INTS15: variants seen among roughly 807,000 people sequenced by gnomAD.
INTS15 encodes the protein uncharacterized protein C7orf26.
the INTS15 span, among the ~76,000 whole-genome samples, chr7:6,601,712 A>G: frequency 6.7e-6 from 1 of 150,282 alleles, no homozygotes; most frequent in Non-Finnish European, 1.5e-5. Context: ...TCTGGAGTGC[A>G]GTGGTGTGAT....
the INTS15 span, among the ~76,000 whole-genome samples, chr7:6,597,286 A>C: frequency 1.3e-5 from 2 of 150,450 alleles, no homozygotes; most frequent in Non-Finnish European, 3.0e-5. Context: ...ATGGTATCAT[A>C]GTTGGCTTTT....
chr7:6,593,892 C>A, the INTS15 span, among the ~76,000 whole-genome samples: 1 of 152,004 alleles, frequency 6.6e-6, no homozygotes, highest in Non-Finnish European at 1.5e-5. Flanking sequence ...CTCAAGTGAT[C>A]CTCCCGCCTC....
chr7:6,594,882 C>T, the INTS15 span, among the ~76,000 whole-genome samples: 1 of 151,430 alleles, frequency 6.6e-6, no homozygotes, highest in South Asian at 2.1e-4. Flanking sequence ...CGCCACTACT[C>T]CTGGCTAATT....
chr7:6,608,260 G>T, the INTS15 span: 1 of 1,488,790 alleles, frequency 6.7e-7, no homozygotes, highest in Non-Finnish European at 8.9e-7. Flanking sequence ...GAAGGGGTCG[G>T]GCAGCCCCTC....
chr7:6,591,656 C>G, the INTS15 span: 1 of 1,613,954 alleles, frequency 6.2e-7, no homozygotes. Context: ...AGACTGAATT[C>G]CCTTCAGGAG....
chr7:6,595,517 C>A, the INTS15 span, among the ~76,000 whole-genome samples: 1 of 151,984 alleles, frequency 6.6e-6, no homozygotes, highest in African/African-American at 2.4e-5. Flanking sequence ...ACCACCTGGA[C>A]GTGTGCAGTT....
the INTS15 span, among the ~76,000 whole-genome samples, chr7:6,603,247 CAAAAAT>C: frequency 3.3e-5 from 5 of 149,360 alleles, no homozygotes; most frequent in African/African-American, 1.2e-4. Context: ...GAAACTCTGT[CAAAAAT>C]AAAAAATAAA....
At chr7:6,594,204 A>C in the INTS15 span, among the ~76,000 whole-genome samples, 9 of 146,438 alleles carry the variant, frequency 6.1e-5, no homozygotes, top group African/African-American at 2.3e-4. Context: ...GACGAGTTTC[A>C]CCATGCTGGC....
the INTS15 span, chr7:6,599,755 G>A: frequency 6.8e-7 from 1 of 1,472,334 alleles, no homozygotes; most frequent in Non-Finnish European, 9.3e-7. Flanking sequence ...TTGGGGTCAG[G>A]CTTCCCTCTC....
the INTS15 span, chr7:6,590,526 C>A: frequency 6.7e-7 from 1 of 1,493,034 alleles, no homozygotes; most frequent in Non-Finnish European, 8.9e-7. Flanking sequence ...GGCGGGCGGG[C>A]CTTTTCCCCA....
At chr7:6,596,376 C>CT in the INTS15 span, among the ~76,000 whole-genome samples, 34,314 of 107,648 alleles carry the variant, frequency 0.32, 7,632 homozygotes, top group Non-Finnish European at 0.43. Context: ...ATCTGTCACC[C>CT]TTTTTTTTTT....
At chr7:6,608,554 C>T in the INTS15 span, 5 of 1,100,740 alleles carry the variant, frequency 4.5e-6, no homozygotes, top group South Asian at 2.3e-5. Flanking sequence ...AAGTGGGCTC[C>T]TTCTGCAGCC....
At chr7:6,590,105 G>T in the INTS15 span, 1 of 416,022 alleles carries the variant, frequency 2.4e-6, no homozygotes, top group Non-Finnish European at 3.9e-6. Context: ...CCTGCTGGCC[G>T]GCGGCAGCAG....
the INTS15 span, among the ~76,000 whole-genome samples, chr7:6,596,928 G>A: frequency 5.9e-5 from 9 of 151,778 alleles, 1 homozygote; most frequent in South Asian, 1.3e-3. Context: ...ACAGGCGCCC[G>A]CTACCACACC....
chr7:6,600,666 T>C, the INTS15 span, among the ~76,000 whole-genome samples: 1 of 152,180 alleles, frequency 6.6e-6, no homozygotes, highest in African/African-American at 2.4e-5. Context: ...TTTTTATTTA[T>C]TTATTTATTG....
At chr7:6,600,032 T>C in the INTS15 span, 4 of 1,614,104 alleles carry the variant, frequency 2.5e-6, no homozygotes, top group Non-Finnish European at 3.4e-6. Context: ...GAAGCCCCCC[T>C]TATCCAATGG....
chr7:6,591,550 C>T, the INTS15 span: 1 of 1,116,250 alleles, frequency 9.0e-7, no homozygotes, highest in Admixed American at 1.8e-5. Context: ...AGGCATGAGC[C>T]ACCGCGCCCA....
At chr7:6,606,722 A>G in the INTS15 span, among the ~76,000 whole-genome samples, 116 of 145,550 alleles carry the variant, frequency 8.0e-4, no homozygotes, top group African/African-American at 2.9e-3. Flanking sequence ...TCTTTGAGAC[A>G]GGGACTCACA....
the INTS15 span, among the ~76,000 whole-genome samples, chr7:6,603,111 G>A: frequency 1.3e-5 from 2 of 151,462 alleles, no homozygotes; most frequent in East Asian, 2.0e-4. Context: ...TTAGCCGGGC[G>A]TGGTGGTGCG....
Sources: allele counts gnomAD v4.1 joint callset (sites outside exome capture counted in the v4.1 genomes callset), GRCh38; gene constraint gnomAD v4.1.1; transcripts MANE v1.5; gene names NCBI Gene and HGNC (gene_info 2026-07-23, HGNC 2026-07-21).